Variants in ALKBH3 observed in about 807,000 individuals in gnomAD.
ALKBH3 encodes the protein alpha-ketoglutarate-dependent dioxygenase alkB homolog 3.
In ALKBH3, 51 loss-of-function variants were observed where a neutral mutation model predicts 43.9. That is an observed-to-expected ratio of 1.16 (90% CI 0.93 to 1.47). ALKBH3 has a LOEUF of 1.47. ALKBH3 is among the 40% of genes most tolerant of loss of function. The pLI, the probability that ALKBH3 is intolerant of heterozygous loss-of-function variation, is 0.00. For missense variants in ALKBH3, 361 were observed against 351.9 expected, an observed-to-expected ratio of 1.03 and a Z score of -0.21; for synonymous variants, 102 against 115.2, an observed-to-expected ratio of 0.89 and a Z score of 0.73.
chr11:43,905,269 G>T (rs1319677704), intron 8 of ALKBH3, among the ~76,000 whole-genome samples: 1 of 152,182 alleles, frequency 6.6e-6, no homozygotes, highest in East Asian at 1.9e-4. Context: ...AGCTGCCCCA[G>T]TTCCACACAC....
intron 7 of ALKBH3, chr11:43,898,230 G>A: frequency 1.0e-6 from 1 of 955,188 alleles, no homozygotes; most frequent in Non-Finnish European, 1.7e-6. Flanking sequence ...GGTGGCTCCA[G>A]GAGACCCACA....
At position 43,886,243 on chromosome 11, in the gene ALKBH3, C is replaced by T. The variant is rs34001604; in HGVS notation, c.219-363C>T. On this transcript the variant is annotated intron_variant, in intron 4 of 9. Coordinates refer to ENST00000302708, the MANE Select transcript of ALKBH3 (RefSeq NM_139178.4). The stretch of plus-strand genomic sequence containing the variant: ...CAGAGCCCTGAGATGTGCTTGCTGC[C>T]TGTTAAATGTATCCCCTATTCCACA... Among the ~76,000 whole-genome samples, 1,232 of 152,282 alleles carry T rather than the reference C, an allele frequency of 8.1e-3. 12 individuals are homozygous for T. The highest frequency in any genetic ancestry group is 0.028 in the African/African-American group (1,162 of 41,564).
chr11:43,899,741 A>G, intron 7 of ALKBH3: 1 of 268,084 alleles, frequency 3.7e-6, no homozygotes, highest in Non-Finnish European at 7.2e-6. Context: ...AGGTAGTTTT[A>G]ACTCTGATCC....
rs1952015474 is a variant in ALKBH3 at position 43,920,130 on chromosome 11, T to C, written c.*120T>C. ...TGGCTGTTGGGAAGATGGTGGGGTT[T>C]GTTTGCCAGCTTGGAGTCCTATTAA... On this transcript the variant is annotated 3_prime_UTR_variant, in exon 10 of 10. Transcript: ENST00000302708. The C allele has an allele frequency of 2.1e-6, 2 of 941,828 alleles. No homozygotes were observed. Among genetic ancestry groups the C allele is most frequent in the Admixed American group, 4.7e-5 (2 of 42,450 alleles). 58.3% of individuals were successfully genotyped at this position (941,828 alleles called of 1,614,324 possible).
intron 8 of ALKBH3, chr11:43,912,517 C>T (rs1390098057): frequency 2.0e-5 from 3 of 152,182 alleles, no homozygotes; most frequent in Non-Finnish European, 4.4e-5. Flanking sequence ...CAGGCTTCTA[C>T]CTTGTCCTTT....
At position 43,890,156 on chromosome 11, in the gene ALKBH3, A is replaced by G. The variant is rs561300318; in HGVS notation, c.370+328A>G. 4.6e-5 allele frequency among the ~76,000 whole-genome samples: 7 copies of G among 152,288 alleles called. 1 individual carries two copies. The South Asian group carries it at 1.2e-3, about 27-fold the overall frequency. On this transcript the variant is annotated intron_variant, in intron 6 of 9. Coordinates refer to ENST00000302708, the MANE Select transcript of ALKBH3 (RefSeq NM_139178.4). ...CACTGACTTGCTTCAAATGGTGCCA[A>G]CTTTTTCCTTTCTTCATAGAAAATT... is the stretch of plus-strand genomic sequence containing the variant.
At chr11:43,888,663 A>G (rs1324854273) in intron 5 of ALKBH3, among the ~76,000 whole-genome samples, 1 of 152,188 alleles carries the variant, frequency 6.6e-6, no homozygotes, top group Non-Finnish European at 1.5e-5. Flanking sequence ...AAAGCAAGTC[A>G]CTCAAGAAAA....
chr11:43,893,357 G>C (rs1025297353), intron 7 of ALKBH3, among the ~76,000 whole-genome samples: 3 of 152,006 alleles, frequency 2.0e-5, no homozygotes, highest in Non-Finnish European at 2.9e-5. Context: ...TTAAACATCT[G>C]GGGGGGCAAA....
At chr11:43,885,417 G>T (rs1951740204) in intron 4 of ALKBH3, among the ~76,000 whole-genome samples, 1 of 152,194 alleles carries the variant, frequency 6.6e-6, no homozygotes. Context: ...TGCCTGCTAT[G>T]CCTACATTTT....
At chr11:43,901,969 A>G (rs1407346466) in intron 8 of ALKBH3, among the ~76,000 whole-genome samples, 2 of 152,204 alleles carry the variant, frequency 1.3e-5, no homozygotes, top group Non-Finnish European at 2.9e-5. Context: ...TTCATTGATG[A>G]TAAACTCCCT....
intron 7 of ALKBH3, among the ~76,000 whole-genome samples, chr11:43,894,536 CA>C (rs1463684168): frequency 2.6e-5 from 4 of 151,968 alleles, no homozygotes; most frequent in Non-Finnish European, 4.4e-5. Flanking sequence ...GTTTCAGTAC[CA>C]AAAATAACCC....
At chr11:43,896,278 C>G (rs1247645337) in intron 7 of ALKBH3, among the ~76,000 whole-genome samples, 1 of 103,488 alleles carries the variant, frequency 9.7e-6, no homozygotes, top group Non-Finnish European at 2.3e-5. Context: ...TACACACACA[C>G]ACACACACAC....
chr11:43,884,140 G>C (rs759778442), intron 4 of ALKBH3, 123 bp downstream of exon 4: 42 of 1,131,096 alleles, frequency 3.7e-5, no homozygotes, highest in Middle Eastern at 2.0e-4. Flanking sequence ...CTGTAGTCTG[G>C]GATATTCCCA....
chr11:43,900,567 TA>T (rs1168880028), intron 7 of ALKBH3, among the ~76,000 whole-genome samples: 1 of 152,188 alleles, frequency 6.6e-6, no homozygotes, highest in Non-Finnish European at 1.5e-5. Flanking sequence ...AAAATTTTTT[TA>T]GTTTTAATTT....
At chr11:43,919,198 A>T (rs1259962177) in intron 9 of ALKBH3, 62 bp downstream of exon 9, 4 of 1,386,168 alleles carry the variant, frequency 2.9e-6, no homozygotes, top group Non-Finnish European at 4.1e-6. Context: ...GACTCTGAGG[A>T]CTATTTCTAA....
chr11:43,897,532 G>A (rs1951827785), intron 7 of ALKBH3: 2 of 769,178 alleles, frequency 2.6e-6, no homozygotes, highest in African/African-American at 1.7e-5. Flanking sequence ...TATGAAAGGA[G>A]GTTCCCTACG....
chr11:43,901,693 C>A lies in ALKBH3; in HGVS notation c.637C>A (p.Arg213Ser). 1 of 1,614,234 alleles carries A rather than the reference C, an allele frequency of 6.2e-7. No individual in the cohort carries two copies. Among genetic ancestry groups the A allele is most frequent in the Non-Finnish European group, 8.5e-7 (1 of 1,180,048 alleles). Residue 213 changes from arginine (R) to serine (S), a missense_variant, in exon 8 of 10, where the codon CGC becomes AGC. Arg to Ser is a moderately radical substitution (Grantham distance 110, BLOSUM62 -1). Transcript: ENST00000302708. The part of the protein sequence containing the change: ...IIASLSFGAT[R>S]TFEMRKKPPP... ...TGCTTCACTAAGTTTTGGTGCCACACGCACATTTGAGATGAGAAAGAAGCC... is the reference window on the plus strand; with the variant it reads ...TGCTTCACTAAGTTTTGGTGCCACAAGCACATTTGAGATGAGAAAGAAGCC...
chr11:43,883,219 T>TA, intron 3 of ALKBH3, 31 bp downstream of exon 3: 17 of 1,555,502 alleles, frequency 1.1e-5, no homozygotes, highest in Non-Finnish European at 1.5e-5. Context: ...TCAATAGTGA[T>TA]AAAAATTTGC....
chr11:43,914,769 T>C (rs2135206194), intron 8 of ALKBH3, among the ~76,000 whole-genome samples: 1 of 152,154 alleles, frequency 6.6e-6, no homozygotes, highest in African/African-American at 2.4e-5. Context: ...GCAAAAAGTA[T>C]GACAAACAAA....
Sources: gnomAD v4.1 joint callset for allele counts (sites outside exome capture counted in the v4.1 genomes callset) on GRCh38, gnomAD v4.1.1 for gene constraint, MANE v1.5 for transcripts, NCBI Gene and HGNC (gene_info 2026-07-23, HGNC 2026-07-21) for gene names.